Variants in PCDH7 observed in about 807,000 individuals in gnomAD.
The protein encoded by PCDH7 is protocadherin-7.
A neutral mutation model predicts 58.9 loss-of-function variants in PCDH7; 17 were observed. That is an observed-to-expected ratio of 0.29 (90% CI 0.20 to 0.43). The LOEUF (loss-of-function observed/expected upper bound fraction) is 0.43. PCDH7 is among the 20% of genes least tolerant of loss of function. PCDH7 has a pLI of 1.00. For missense variants in PCDH7, 1,274 were observed against 1,441.0 expected (o/e 0.88, Z 1.88); for synonymous variants, 664 against 616.4 (o/e 1.08, Z -1.14).
chr4:30,784,554 T>C (rs990931689), intron 1 of PCDH7, among the ~76,000 whole-genome samples: 4 of 152,128 alleles, frequency 2.6e-5, no homozygotes, highest in Admixed American at 2.6e-4. Flanking sequence ...TGCTTTTAAG[T>C]TAAAAGTGTA....
intron 1 of PCDH7, among the ~76,000 whole-genome samples, chr4:30,833,129 G>A (rs570106664): frequency 1.3e-5 from 2 of 152,286 alleles, no homozygotes; most frequent in East Asian, 3.9e-4. Flanking sequence ...GTGCATGCAT[G>A]TGGGTACACA....
intron 1 of PCDH7, among the ~76,000 whole-genome samples, chr4:30,906,926 G>A (rs2109400564): frequency 6.6e-6 from 1 of 152,156 alleles, no homozygotes; most frequent in African/African-American, 2.4e-5. Context: ...GGGAGGCTGA[G>A]GCAGGAGAAT....
intron 2 of PCDH7, among the ~76,000 whole-genome samples, chr4:30,944,818 T>C (rs191697610): frequency 6.6e-6 from 1 of 152,316 alleles, no homozygotes; most frequent in East Asian, 1.9e-4. Flanking sequence ...CTCAATACAA[T>C]AGTCAACAGT....
At chr4:31,053,660 T>C (rs1340115812) in intron 3 of PCDH7, among the ~76,000 whole-genome samples, 1 of 152,168 alleles carries the variant, frequency 6.6e-6, no homozygotes, top group East Asian at 1.9e-4. Context: ...CTGTACTCTC[T>C]TTTTACTGTG....
rs994850784 is a variant in PCDH7, at chr4:31,084,970, A to C, written c.*8-57503A>C. ...ACCTCTGTAGCCGCCCAAGGGGTTC[A>C]CCTTGCCCGCTGCCTAGACAGAGCT... On this transcript the variant is annotated intron_variant, in intron 3 of 3. Coordinates refer to the PCDH7 transcript ENST00000509759. Among the ~76,000 whole-genome samples the C allele has an allele frequency of 3.9e-5, 6 of 152,118 alleles. No homozygotes were observed. In the East Asian group the frequency reaches 7.8e-4, roughly 20 times the overall value.
At chr4:30,738,234 C>A (rs1448283885) in intron 1 of PCDH7, among the ~76,000 whole-genome samples, 2 of 152,084 alleles carry the variant, frequency 1.3e-5, no homozygotes, top group African/African-American at 4.8e-5. Context: ...CTATTATTTT[C>A]TGAGCAAAAA....
chr4:30,973,852 AG>A (rs1317072891), intron 3 of PCDH7, among the ~76,000 whole-genome samples: 1 of 152,176 alleles, frequency 6.6e-6, no homozygotes, highest in Non-Finnish European at 1.5e-5. Flanking sequence ...CTTTCAAAAA[AG>A]AAAAAAAAAA....
At chr4:30,812,214 TGTAATGTATTTGAGAGTAGG>T (rs1452405315) in intron 1 of PCDH7, among the ~76,000 whole-genome samples, 3 of 152,184 alleles carry the variant, frequency 2.0e-5, no homozygotes, top group African/African-American at 7.2e-5. Context: ...TTCTAGTCTG[TGTAATGTATTTGAGAGTAGG>T]GTAGGAGACA....
At position 30,781,218 on chromosome 4, in the gene PCDH7, C is replaced by CTT. The variant is rs528737377; in HGVS notation, c.70+56636_70+56637dup. Among the ~76,000 whole-genome samples, 28 of 140,606 alleles carry CTT rather than the reference C, an allele frequency of 2.0e-4. 1 individual carries two copies. The highest frequency in any genetic ancestry group is 6.7e-4 in the African/African-American group (26 of 38,630). 92.2% of individuals were successfully genotyped at this position (140,606 alleles called of 152,430 possible). A position where few individuals can be genotyped will look rare whatever the true frequency, so the allele number is the denominator to read the frequency against. ...TGGCTATCCAACCCAAGGCGTTCTTCTTTTTTTTTTTTTTTGAGTTCAGGC... is the reference window on the plus strand; with the variant it reads ...TGGCTATCCAACCCAAGGCGTTCTTCTTTTTTTTTTTTTTTTTGAGTTCAGGC... On this transcript the variant is annotated intron_variant, in intron 1 of 3. Transcript: ENST00000509759.
At chr4:30,930,596 G>A (rs1744447148) in intron 2 of PCDH7, among the ~76,000 whole-genome samples, 1 of 152,068 alleles carries the variant, frequency 6.6e-6, no homozygotes, top group Non-Finnish European at 1.5e-5. Flanking sequence ...AAGAGAATAA[G>A]GGAGAAGTAA....
intron 1 of PCDH7, among the ~76,000 whole-genome samples, chr4:30,808,723 T>C (rs144354685): frequency 6.6e-6 from 1 of 152,194 alleles, no homozygotes; most frequent in East Asian, 1.9e-4. Flanking sequence ...AGAGTACAAA[T>C]GTGTCGTGTG....
intron 3 of PCDH7, among the ~76,000 whole-genome samples, chr4:31,109,390 T>C (rs961718011): frequency 1.3e-5 from 2 of 152,228 alleles, no homozygotes; most frequent in African/African-American, 2.4e-5. Flanking sequence ...GCTTCAACCT[T>C]TTCCCATGTA....
At chr4:31,144,473 T>C (rs1308635309), downstream of PCDH7, 2 of 152,154 alleles carry the variant, frequency 1.3e-5, no homozygotes, top group African/African-American at 4.8e-5. Context: ...ATGGACAGAA[T>C]AGGGAATAAC....
At chr4:30,734,980 G>A (rs970928936), downstream of PCDH7, among the ~76,000 whole-genome samples, 1 of 151,954 alleles carries the variant, frequency 6.6e-6, no homozygotes, top group African/African-American at 2.4e-5. Flanking sequence ...CCCTTGTTTC[G>A]GTAGCACATG....
chr4:30,838,105 T>C (rs1730741962), intron 1 of PCDH7, among the ~76,000 whole-genome samples: 1 of 151,932 alleles, frequency 6.6e-6, no homozygotes, highest in Non-Finnish European at 1.5e-5. Context: ...GGGTGCTCCA[T>C]ATGGCCTATT....
chr4:30,973,204 G>A (rs929021326), intron 3 of PCDH7, among the ~76,000 whole-genome samples: 6 of 152,164 alleles, frequency 3.9e-5, no homozygotes, highest in Admixed American at 2.0e-4. Flanking sequence ...AAGACCTCTA[G>A]ATTGAACAGA....
intron 3 of PCDH7, among the ~76,000 whole-genome samples, chr4:31,035,421 T>G (rs1352267850): frequency 6.6e-6 from 1 of 151,986 alleles, no homozygotes; most frequent in East Asian, 1.9e-4. Flanking sequence ...GCCCGGCTAA[T>G]TTTTGTATTT....
intron 1 of PCDH7, among the ~76,000 whole-genome samples, chr4:30,891,000 C>G (rs1738536149): frequency 6.6e-6 from 1 of 151,994 alleles, no homozygotes; most frequent in African/African-American, 2.4e-5. Context: ...ACTAGATGCT[C>G]CATAAATGCT....
chr4:31,001,676 A>G lies in PCDH7; in HGVS notation c.*7+51461A>G, dbSNP rs188499687. ...AGAAGTTAAAAAAGCACATCTACTA[A>G]CCTAGTCATTAAATCGTGTAGTGAA... On this transcript the variant is annotated intron_variant, in intron 3 of 3. Coordinates refer to the PCDH7 transcript ENST00000509759. 9.2e-5 allele frequency among the ~76,000 whole-genome samples: 14 copies of G among 152,280 alleles called. No homozygotes were observed. The East Asian group carries it at 2.7e-3, about 29-fold the overall frequency.
Sources: allele counts gnomAD v4.1 joint callset (sites outside exome capture counted in the v4.1 genomes callset), GRCh38; gene constraint gnomAD v4.1.1; transcripts MANE v1.5; gene names NCBI Gene and HGNC (gene_info 2026-07-23, HGNC 2026-07-21).